Variants in HBP1 observed in about 807,000 individuals in gnomAD.
HBP1 encodes the protein HMG-box transcription factor 1.
HBP1 carries 20 observed loss-of-function variants against 62.6 expected under a neutral mutation model. That is an observed-to-expected ratio of 0.32 (90% CI 0.22 to 0.46). The LOEUF is 0.46. Among genes scored for constraint, HBP1 ranks in the 20% least tolerant of loss-of-function variants. The pLI is 1.00. For missense variants in HBP1, 480 were observed against 611.8 expected (o/e 0.78, Z 2.27); for synonymous variants, 232 against 206.2 (o/e 1.12, Z -1.07).
Position 107,201,756 on chromosome 7 carries a change from G to GTTTTA in HBP1, c.*331_*335dup. On this transcript the variant is annotated 3_prime_UTR_variant, in exon 11 of 11. Coordinates refer to ENST00000222574, the MANE Select transcript of HBP1 (RefSeq NM_012257.4). ...AGAAAGAGAGGAGAAGTGTATACATGTTTTATTTTAAATTGTACGAAAGGG... is the reference window on the plus strand; with the variant it reads ...AGAAAGAGAGGAGAAGTGTATACATGTTTTATTTTATTTTAAATTGTACGAAAGGG... 1 of 246,904 alleles carries GTTTTA rather than the reference G, an allele frequency of 4.1e-6. No homozygotes were observed. The allele number at this position is 246,904 out of a possible 1,614,324, so 15.3% of individuals were successfully genotyped here. A position where few individuals can be genotyped will look rare whatever the true frequency, so the allele number is the denominator to read the frequency against.
intron 3 of HBP1, among the ~76,000 whole-genome samples, chr7:107,182,911 G>C (rs1797178679): frequency 6.6e-6 from 1 of 152,086 alleles, no homozygotes; most frequent in Admixed American, 6.5e-5. Flanking sequence ...ATTTCTCTAA[G>C]GAAGCAGAGT....
intron 9 of HBP1, 32 bp downstream of exon 9, chr7:107,196,183 ATGAG>A (rs1431495342): frequency 7.7e-6 from 9 of 1,176,164 alleles, no homozygotes; most frequent in East Asian, 4.7e-5. Flanking sequence ...ATTACAATAA[ATGAG>A]TAACACTTCA....
intron 9 of HBP1, among the ~76,000 whole-genome samples, chr7:107,197,346 A>T (rs547995173): frequency 2.1e-4 from 32 of 152,284 alleles, no homozygotes; most frequent in African/African-American, 7.7e-4. Context: ...ATAAGTGTGT[A>T]ATTAGTGAGT....
chr7:107,171,074 T>TATATATA lies in HBP1; in HGVS notation c.-16+1889_-16+1890insATATATA, dbSNP rs1554380347. Among the ~76,000 whole-genome samples the TATATATA allele has an allele frequency of 2.2e-3, 84 of 37,492 alleles. 3 individuals are homozygous for TATATATA. Among genetic ancestry groups the TATATATA allele is most frequent in the African/African-American group, 0.011 (62 of 5,710 alleles). The allele number at this position is 37,492 out of a possible 152,430, so 24.6% of individuals were successfully genotyped here. A position where few individuals can be genotyped will look rare whatever the true frequency, so the allele number is the denominator to read the frequency against. On this transcript the variant is annotated intron_variant, in intron 1 of 10. Transcript: ENST00000222574. Reference sequence around the variant, plus strand: ...ATATATATATATATATATATATATATTTTTTTTTTTTTTTGAGAGGGAGTC... The same window carrying TATATATA: ...ATATATATATATATATATATATATATATATATATTTTTTTTTTTTTTGAGAGGGAGTC...
chr7:107,186,152 TTTTCTTTTTTTTTC>T (rs916312691), intron 4 of HBP1, among the ~76,000 whole-genome samples, 195 bp from the exon 5 acceptor site: 14 of 144,008 alleles, frequency 9.7e-5, no homozygotes, highest in African/African-American at 3.7e-4. Context: ...TGTGTCTTTT[TTTTCTTTTTTTTTC>T]TTTTTTTTTT....
intron 9 of HBP1, chr7:107,196,495 C>T (rs755341535): frequency 3.6e-4 from 120 of 329,804 alleles, no homozygotes; most frequent in Admixed American, 6.8e-4. Flanking sequence ...ATCTCGAACT[C>T]CTGACCTCGT....
chr7:107,190,797 C>T (rs748734691), intron 8 of HBP1, among the ~76,000 whole-genome samples: 1 of 152,194 alleles, frequency 6.6e-6, no homozygotes, highest in African/African-American at 2.4e-5. Context: ...ATAGCCTAAA[C>T]TTCACATCTA....
chr7:107,195,689 T>C (rs920144973), intron 8 of HBP1, 145 bp from the exon 9 acceptor site: 5 of 426,136 alleles, frequency 1.2e-5, no homozygotes, highest in African/African-American at 2.0e-5. Context: ...GTGGCAAAAG[T>C]TGTTAGTGTT....
chr7:107,186,761 T>C (rs1797396020), intron 6 of HBP1, 80 bp downstream of exon 6: 1 of 791,578 alleles, frequency 1.3e-6, no homozygotes, highest in African/African-American at 1.7e-5. Flanking sequence ...AGAAATATCC[T>C]CCATTCACTT....
In HBP1 at chr7:107,202,174, T is replaced by C. The variant is rs1431633360; in HGVS notation, c.*743T>C. On this transcript the variant is annotated 3_prime_UTR_variant, in exon 11 of 11. Coordinates refer to ENST00000222574, the MANE Select transcript of HBP1 (RefSeq NM_012257.4). Reference sequence around the variant, plus strand: ...TATTAACAAACAGTCAACACCATTGTATTTTTTAACTTCGTGTTCTGTATC... The same window carrying C: ...TATTAACAAACAGTCAACACCATTGCATTTTTTAACTTCGTGTTCTGTATC... 6.5e-6 allele frequency: 1 copy of C among 152,694 alleles called. No individual in the cohort carries two copies. The highest frequency in any genetic ancestry group is 1.9e-4 in the East Asian group (1 of 5,204). The allele number at this position is 152,694 out of a possible 1,614,324, so 9.5% of individuals were successfully genotyped here.
chr7:107,183,252 G>T (rs1332256066), intron 3 of HBP1, among the ~76,000 whole-genome samples: 3 of 152,202 alleles, frequency 2.0e-5, no homozygotes, highest in Non-Finnish European at 4.4e-5. Context: ...TTATAAGGGA[G>T]AGAAATGCCC....
intron 2 of HBP1, among the ~76,000 whole-genome samples, chr7:107,181,220 C>T (rs193283331): frequency 5.3e-5 from 8 of 152,226 alleles, no homozygotes; most frequent in East Asian, 3.9e-4. Flanking sequence ...TGATGGTTCA[C>T]GCTAGTAATC....
Position 107,190,436 on chromosome 7 carries a change from A to G in HBP1, c.1067+119A>G, listed in dbSNP as rs1797595154. The G allele has an allele frequency of 1.3e-5, 8 of 633,918 alleles. No individual in the cohort carries two copies. In the Admixed American group the frequency reaches 2.1e-4, roughly 17 times the overall value. The allele number at this position is 633,918 out of a possible 1,614,324, so 39.3% of individuals were successfully genotyped here. On this transcript the variant is annotated intron_variant, in intron 8 of 10. Coordinates refer to ENST00000222574, the MANE Select transcript of HBP1 (RefSeq NM_012257.4). ...TCTTTAAAGATTTGAGAATTATAAA[A>G]GAATTATTAAGAGGAAAGTATGACA...
At position 107,185,930 on chromosome 7, in the gene HBP1, A is replaced by T; in HGVS notation, c.528A>T (p.Val176=). The change falls in exon 4 of 11, where the codon GTA becomes GTT. Residue 176 remains valine (V), a synonymous_variant. Transcript: ENST00000222574. ...ACCATTGGAAGGAGGAAACACCAGT[A>T]AGACACGAAAGGGTAAGTTTATTTA... ...PHHHWKEETP[V]RHERANSESE... 6.2e-7 allele frequency: 1 copy of T among 1,612,776 alleles called. No homozygotes were observed. Among genetic ancestry groups the T allele is most frequent in the Non-Finnish European group, 8.5e-7 (1 of 1,178,798 alleles).
chr7:107,171,071 A>ATTTTTTTTTTTTTTTTTTTT (rs1160740045), intron 1 of HBP1, among the ~76,000 whole-genome samples: 2 of 84,296 alleles, frequency 2.4e-5, no homozygotes, highest in African/African-American at 1.6e-4. Flanking sequence ...ATATATATAT[A>ATTTTTTTTTTTTTTTTTTTT]TATTTTTTTT....
At chr7:107,181,425 T>C (rs1312681996) in intron 2 of HBP1, among the ~76,000 whole-genome samples, 5 of 152,138 alleles carry the variant, frequency 3.3e-5, no homozygotes, top group African/African-American at 9.6e-5. Context: ...TGAGCTATAA[T>C]TGTACCACTG....
At chr7:107,189,150 A>G (rs951007600) in intron 6 of HBP1, 142 bp from the exon 7 acceptor site, 1 of 590,664 alleles carries the variant, frequency 1.7e-6, no homozygotes, top group African/African-American at 1.9e-5. Flanking sequence ...TTTCTTCACT[A>G]CCGGGTTTGA....
chr7:107,190,147 C>T (rs778397357), intron 7 of HBP1, 26 bp from the exon 8 acceptor site: 2 of 1,574,676 alleles, frequency 1.3e-6, no homozygotes, highest in Non-Finnish European at 1.7e-6. Flanking sequence ...AGTCCTCATC[C>T]TTTATGCAAC....
intron 2 of HBP1, 27 bp downstream of exon 2, chr7:107,180,089 A>T (rs751693396): frequency 1.4e-6 from 2 of 1,416,996 alleles, no homozygotes; most frequent in African/African-American, 1.4e-5. Context: ...GTTATATAGA[A>T]ATCTCACTAA....
Sources: allele counts gnomAD v4.1 joint callset (sites outside exome capture counted in the v4.1 genomes callset), GRCh38; gene constraint gnomAD v4.1.1; transcripts MANE v1.5; gene names NCBI Gene and HGNC (gene_info 2026-07-23, HGNC 2026-07-21).